CNBD1: variants seen among roughly 807,000 people sequenced by gnomAD.
CNBD1 encodes the protein cyclic nucleotide binding domain containing 1.
CNBD1 carries 71 observed loss-of-function variants against 54.4 expected under a neutral mutation model. That is an observed-to-expected ratio of 1.30 (90% CI 1.08 to 1.59). The LOEUF (loss-of-function observed/expected upper bound fraction) is 1.59, where lower values mean the gene tolerates loss of function less well. Among genes scored for constraint, CNBD1 ranks in the 40% most tolerant of loss-of-function variants. The pLI, the probability that CNBD1 is intolerant of heterozygous loss-of-function variation, is 0.00. For missense variants in CNBD1, 659 were observed against 518.0 expected (o/e 1.27, Z -2.64); for synonymous variants, 182 against 170.7 (o/e 1.07, Z -0.51).
Position 86,868,611 on chromosome 8 carries a change from C to T in CNBD1, c.88+2028C>T, listed in dbSNP as rs528772295. 9.9e-5 allele frequency among the ~76,000 whole-genome samples: 15 copies of T among 152,186 alleles called. No individual in the cohort carries two copies. In the South Asian group the frequency reaches 2.9e-3, roughly 29 times the overall value. ...CTCCCAAAGTGCTAGGATTTACAGGCGTGAGCTACCACGCCCCGGCTGTCT... is the reference window on the plus strand; with the variant it reads ...CTCCCAAAGTGCTAGGATTTACAGGTGTGAGCTACCACGCCCCGGCTGTCT... On this transcript the variant is annotated intron_variant, in intron 1 of 10. Coordinates refer to ENST00000518476, the MANE Select transcript of CNBD1 (RefSeq NM_173538.3).
At chr8:86,967,905 G>A (rs562428920) in intron 4 of CNBD1, among the ~76,000 whole-genome samples, 1 of 151,824 alleles carries the variant, frequency 6.6e-6, no homozygotes, top group African/African-American at 2.4e-5. Context: ...CTGGGTAAAA[G>A]AAACTGCAGT....
intron 8 of CNBD1, among the ~76,000 whole-genome samples, chr8:87,303,014 A>G (rs1809045447): frequency 1.3e-5 from 2 of 151,928 alleles, no homozygotes; most frequent in South Asian, 2.1e-4. Flanking sequence ...AGAACATTCC[A>G]TGCTCATGGG....
chr8:87,226,198 G>A (rs1358592333), intron 5 of CNBD1, among the ~76,000 whole-genome samples: 2 of 151,710 alleles, frequency 1.3e-5, no homozygotes. Flanking sequence ...CCAGCTCCTG[G>A]ATTCATTAAT....
At chr8:87,254,657 A>C (rs1169437944) in intron 6 of CNBD1, among the ~76,000 whole-genome samples, 1 of 152,148 alleles carries the variant, frequency 6.6e-6, no homozygotes, top group African/African-American at 2.4e-5. Flanking sequence ...ATTGTTTTGC[A>C]AGTTCTTCTG....
At position 87,321,333 on chromosome 8, in the gene CNBD1, A is replaced by G. The variant is rs150466569; in HGVS notation, c.1043-30352A>G. Among the ~76,000 whole-genome samples, 824 of 152,210 alleles carry G rather than the reference A, an allele frequency of 5.4e-3. 4 individuals are homozygous for G. Among genetic ancestry groups the G allele is most frequent in the Non-Finnish European group, 7.0e-3 (478 of 67,986 alleles). On this transcript the variant is annotated intron_variant, in intron 8 of 10. Transcript: ENST00000518476. ...GTTTCAATTTCAACATGTCCTTACCAATTTGTAGTTTTCTGGTTTGTGTTT... is the reference window on the plus strand; with the variant it reads ...GTTTCAATTTCAACATGTCCTTACCGATTTGTAGTTTTCTGGTTTGTGTTT...
intron 8 of CNBD1, among the ~76,000 whole-genome samples, chr8:87,331,210 A>T (rs1809822055): frequency 6.6e-6 from 1 of 151,786 alleles, no homozygotes; most frequent in Non-Finnish European, 1.5e-5. Flanking sequence ...AGGCTTTCCC[A>T]CCCCTTGCAC....
intron 4 of CNBD1, among the ~76,000 whole-genome samples, chr8:87,127,959 C>T (rs978824461): frequency 6.6e-6 from 1 of 152,056 alleles, no homozygotes; most frequent in Non-Finnish European, 1.5e-5. Flanking sequence ...AACCCCAAAC[C>T]CCCGGCTCCA....
chr8:87,077,393 G>T (rs1047475140), intron 4 of CNBD1, among the ~76,000 whole-genome samples: 1 of 149,300 alleles, frequency 6.7e-6, no homozygotes, highest in African/African-American at 2.5e-5. Flanking sequence ...TAGCTCTTAG[G>T]CCTCTTCTTC....
At chr8:87,014,492 T>C (rs915034490) in intron 4 of CNBD1, among the ~76,000 whole-genome samples, 3 of 152,076 alleles carry the variant, frequency 2.0e-5, no homozygotes, top group Non-Finnish European at 4.4e-5. Context: ...GCTTTATTAC[T>C]AAAGTAAATA....
intron 2 of CNBD1, among the ~76,000 whole-genome samples, chr8:87,413,692 C>T (rs1296693407): frequency 2.0e-5 from 3 of 151,720 alleles, no homozygotes; most frequent in East Asian, 1.9e-4. Flanking sequence ...ACAAGCAACC[C>T]CATCAAAAAG....
intron 4 of CNBD1, among the ~76,000 whole-genome samples, chr8:87,133,092 T>C (rs1812154212): frequency 6.9e-6 from 1 of 145,256 alleles, no homozygotes; most frequent in East Asian, 2.0e-4. Flanking sequence ...CTATAATTTT[T>C]ATTTGATTGA....
At chr8:87,200,969 C>T (rs761167631) in intron 4 of CNBD1, among the ~76,000 whole-genome samples, 30 of 152,086 alleles carry the variant, frequency 2.0e-4, no homozygotes, top group Non-Finnish European at 4.0e-4. Context: ...AAGCCAATGT[C>T]CCTTATGAAT....
At chr8:86,961,263 G>T (rs1308649846) in intron 4 of CNBD1, among the ~76,000 whole-genome samples, 2 of 152,136 alleles carry the variant, frequency 1.3e-5, no homozygotes, top group Non-Finnish European at 2.9e-5. Context: ...ACAATCCAAT[G>T]AAGGCTGTGA....
intron 5 of CNBD1, 28 bp downstream of exon 5, chr8:87,206,166 G>A (rs1298527383): frequency 6.7e-7 from 1 of 1,483,918 alleles, no homozygotes; most frequent in Admixed American, 2.4e-5. Flanking sequence ...GATAAATTTG[G>A]CGAGATAAAA....
At chr8:87,030,913 T>TC (rs376683860) in intron 4 of CNBD1, among the ~76,000 whole-genome samples, 4 of 59,216 alleles carry the variant, frequency 6.8e-5, no homozygotes, top group Non-Finnish European at 9.3e-5. Flanking sequence ...CACCTCCTCC[T>TC]CCCCCCCTCC....
At chr8:86,961,980 A>G (rs1433030089) in intron 4 of CNBD1, among the ~76,000 whole-genome samples, 1 of 152,222 alleles carries the variant, frequency 6.6e-6, no homozygotes, top group East Asian at 1.9e-4. Flanking sequence ...CACTTCAAGA[A>G]CCAGGTCTAG....
At chr8:87,377,289 C>T (rs1237408604) in intron 10 of CNBD1, among the ~76,000 whole-genome samples, 1 of 150,638 alleles carries the variant, frequency 6.6e-6, no homozygotes, top group Non-Finnish European at 1.5e-5. Context: ...TCTCCCAATG[C>T]TATCCCTCCC....
chr8:87,370,719 C>T (rs1223484392), intron 10 of CNBD1, among the ~76,000 whole-genome samples: 1 of 149,648 alleles, frequency 6.7e-6, no homozygotes, highest in Non-Finnish European at 1.5e-5. Flanking sequence ...TGTGCAGAAG[C>T]TCTTTAGTTT....
intron 4 of CNBD1, among the ~76,000 whole-genome samples, chr8:86,948,138 C>T (rs1586154928): frequency 6.6e-6 from 1 of 152,218 alleles, no homozygotes; most frequent in Non-Finnish European, 1.5e-5. Flanking sequence ...ATATGTACCA[C>T]ATTTTCTTTA....
Sources: allele counts gnomAD v4.1 joint callset (sites outside exome capture counted in the v4.1 genomes callset), GRCh38; gene constraint gnomAD v4.1.1; transcripts MANE v1.5; gene names NCBI Gene and HGNC (gene_info 2026-07-23, HGNC 2026-07-21).